Variants in PTPRN2 observed in about 807,000 individuals in gnomAD.
PTPRN2 encodes protein tyrosine phosphatase receptor type N2, also known as receptor-type tyrosine-protein phosphatase N2.
Under a neutral mutation model 118.8 loss-of-function variants are expected in PTPRN2, and 74 were observed. The ratio of observed to expected loss-of-function variants is 0.62; its 90% CI spans 0.52 to 0.76. PTPRN2 has a LOEUF of 0.76. Ranked by LOEUF, PTPRN2 falls within the 30% of genes least tolerant of loss-of-function variation. The pLI, the probability that PTPRN2 is intolerant of heterozygous loss-of-function variation, is 0.00. For missense variants in PTPRN2, 1,481 were observed against 1,394.4 expected, an observed-to-expected ratio of 1.06 and a Z score of -0.99; for synonymous variants, 641 against 608.0, an observed-to-expected ratio of 1.05 and a Z score of -0.80.
At chr7:157,960,737 T>C (rs1326466621) in intron 11 of PTPRN2, among the ~76,000 whole-genome samples, 1 of 152,268 alleles carries the variant, frequency 6.6e-6, no homozygotes, top group African/African-American at 2.4e-5. Flanking sequence ...TCAGGCATGG[T>C]GGCTTACGCC....
intron 3 of PTPRN2, among the ~76,000 whole-genome samples, chr7:158,270,566 G>C (rs867845586): frequency 6.6e-6 from 1 of 152,076 alleles, no homozygotes; most frequent in African/African-American, 2.4e-5. Context: ...TATCACAATT[G>C]AGGGCTGAAC....
At chr7:158,470,676 A>C (rs866530172) in intron 2 of PTPRN2, among the ~76,000 whole-genome samples, 65 of 152,316 alleles carry the variant, frequency 4.3e-4, no homozygotes, top group Middle Eastern at 6.8e-3. Flanking sequence ...CCAGTCTTCA[A>C]AAAATTAAAA....
At chr7:158,340,663 C>A (rs1235249982) in intron 2 of PTPRN2, among the ~76,000 whole-genome samples, 3 of 99,124 alleles carry the variant, frequency 3.0e-5, no homozygotes, top group South Asian at 3.7e-4. Context: ...CCGCAGACGT[C>A]ACTCACACCC....
intron 2 of PTPRN2, among the ~76,000 whole-genome samples, chr7:158,455,115 T>A: frequency 6.6e-6 from 1 of 152,284 alleles, no homozygotes; most frequent in East Asian, 1.9e-4. Flanking sequence ...ACACCACACC[T>A]CCAGGCAGCC....
intron 12 of PTPRN2, among the ~76,000 whole-genome samples, chr7:157,719,661 C>G (rs1164937056): frequency 6.6e-6 from 1 of 152,234 alleles, no homozygotes. Flanking sequence ...CAGCAGGGCC[C>G]CTCCAAGAGG....
intron 2 of PTPRN2, among the ~76,000 whole-genome samples, chr7:158,386,242 C>G (rs1265722414): frequency 4.5e-3 from 603 of 134,746 alleles, no homozygotes; most frequent in African/African-American, 0.018. Context: ...TTCTGTGCCC[C>G]TCCTCCCTCC....
At position 158,463,410 on chromosome 7, in the gene PTPRN2, T is replaced by A. The variant is rs139755103; in HGVS notation, c.163+26325A>T. 3.0e-3 allele frequency among the ~76,000 whole-genome samples: 458 copies of A among 152,164 alleles called. 2 individuals are homozygous for A. The highest frequency in any genetic ancestry group is 0.011 in the African/African-American group (443 of 41,530). On this transcript the variant is annotated intron_variant, in intron 2 of 22. Coordinates refer to ENST00000389418, the MANE Select transcript of PTPRN2 (RefSeq NM_002847.5). ...ATCATTACCATCACGACCATCATTG[T>A]TGTCATCATCACCATCACCATCATT... is the stretch of plus-strand genomic sequence containing the variant.
intron 12 of PTPRN2, among the ~76,000 whole-genome samples, chr7:157,692,972 C>T (rs1014590664): frequency 2.0e-5 from 3 of 152,040 alleles, no homozygotes; most frequent in Non-Finnish European, 4.4e-5. Context: ...TCCTGTCCCT[C>T]CCCGCCACCC....
intron 10 of PTPRN2, among the ~76,000 whole-genome samples, chr7:158,097,841 G>A (rs927318333): frequency 1.3e-5 from 2 of 152,228 alleles, no homozygotes; most frequent in African/African-American, 2.4e-5. Context: ...AACATATTCA[G>A]CATAACTAGC....
At chr7:158,447,779 C>T (rs1158855282) in intron 2 of PTPRN2, among the ~76,000 whole-genome samples, 1 of 152,244 alleles carries the variant, frequency 6.6e-6, no homozygotes, top group Non-Finnish European at 1.5e-5. Flanking sequence ...GACCTCTCTG[C>T]GCAGGTGCCG....
At chr7:158,492,631 G>T (rs982926443) in intron 1 of PTPRN2, among the ~76,000 whole-genome samples, 2 of 152,232 alleles carry the variant, frequency 1.3e-5, no homozygotes, top group Non-Finnish European at 2.9e-5. Context: ...CATTTCACAT[G>T]ATTACCAGAG....
intron 12 of PTPRN2, among the ~76,000 whole-genome samples, chr7:157,778,562 A>G (rs949279421): frequency 6.6e-6 from 1 of 152,134 alleles, no homozygotes; most frequent in Non-Finnish European, 1.5e-5. Flanking sequence ...ATGCCCACAT[A>G]CATGTGCATT....
intron 3 of PTPRN2, among the ~76,000 whole-genome samples, chr7:158,305,313 C>A (rs1431726743): frequency 6.6e-6 from 1 of 151,598 alleles, no homozygotes; most frequent in Non-Finnish European, 1.5e-5. Flanking sequence ...ATATTTTTAA[C>A]AAGGAAAGGA....
chr7:158,104,250 C>G (rs1312863140), intron 10 of PTPRN2, among the ~76,000 whole-genome samples: 4 of 152,200 alleles, frequency 2.6e-5, no homozygotes, highest in African/African-American at 9.6e-5. Context: ...CCAGAGCAGT[C>G]TGAGGCATCA....
At chr7:158,557,772 G>A (rs1357060143) in intron 1 of PTPRN2, among the ~76,000 whole-genome samples, 1 of 152,118 alleles carries the variant, frequency 6.6e-6, no homozygotes, top group Non-Finnish European at 1.5e-5. Context: ...CCTAGAAGTG[G>A]GCTGGCCAAT....
intron 2 of PTPRN2, among the ~76,000 whole-genome samples, chr7:158,445,701 G>T (rs931698637): frequency 2.0e-5 from 3 of 152,376 alleles, no homozygotes; most frequent in African/African-American, 4.8e-5. Flanking sequence ...GCATCTTGGG[G>T]TCTATGCTGC....
At chr7:158,299,490 G>T (rs1800730686) in intron 3 of PTPRN2, among the ~76,000 whole-genome samples, 1 of 152,042 alleles carries the variant, frequency 6.6e-6, no homozygotes, top group African/African-American at 2.4e-5. Flanking sequence ...TAGAGATGGG[G>T]TTTCACCATG....
chr7:158,019,406 C>A (rs1191659827), intron 11 of PTPRN2, among the ~76,000 whole-genome samples: 2 of 152,250 alleles, frequency 1.3e-5, no homozygotes, highest in Non-Finnish European at 2.9e-5. Flanking sequence ...CTGACGCCGC[C>A]TCTCTTTAAG....
At chr7:158,099,716 C>T (rs13243134) in intron 10 of PTPRN2, among the ~76,000 whole-genome samples, 76 of 3,516 alleles carry the variant, frequency 0.022, 29 homozygotes, top group Non-Finnish European at 0.04. Flanking sequence ...CCCCTTCCTC[C>T]CCCCACATCA....
Sources: gnomAD v4.1 joint callset for allele counts (sites outside exome capture counted in the v4.1 genomes callset) on GRCh38, gnomAD v4.1.1 for gene constraint, MANE v1.5 for transcripts, NCBI Gene and HGNC (gene_info 2026-07-23, HGNC 2026-07-21) for gene names.